Variants in TMEM132D observed in about 807,000 individuals in gnomAD.
TMEM132D encodes the protein mature OL transmembrane protein.
A neutral mutation model predicts 62.3 loss-of-function variants in TMEM132D; 21 were observed. The ratio of observed to expected loss-of-function variants is 0.34; its 90% CI spans 0.24 to 0.49. The LOEUF (loss-of-function observed/expected upper bound fraction) is 0.49. Among genes scored for constraint, TMEM132D ranks in the 20% least tolerant of loss-of-function variants. The pLI, the probability that TMEM132D is intolerant of heterozygous loss-of-function variation, is 0.99. For missense variants in TMEM132D, 1,346 were observed against 1,402.8 expected (o/e 0.96, Z 0.65); for synonymous variants, 621 against 575.6 (o/e 1.08, Z -1.13).
intron 1 of TMEM132D, among the ~76,000 whole-genome samples, chr12:129,748,467 G>A (rs533363810): frequency 2.0e-4 from 31 of 152,266 alleles, no homozygotes; most frequent in Non-Finnish European, 4.0e-4. Context: ...GAGCTTGTCT[G>A]GGCACATGTG....
At chr12:129,128,022 G>A (rs987304002) in intron 5 of TMEM132D, among the ~76,000 whole-genome samples, 5 of 152,220 alleles carry the variant, frequency 3.3e-5, no homozygotes, top group South Asian at 4.2e-4. Flanking sequence ...AGAGTTTCCC[G>A]GGATGTGAGG....
At chr12:129,807,199 A>T (rs11060566) in intron 1 of TMEM132D, among the ~76,000 whole-genome samples, 83,790 of 152,068 alleles carry the variant, frequency 0.55, 24,923 homozygotes, top group Non-Finnish European at 0.68. Context: ...GTAATTAGCA[A>T]GGACCCTGGA....
At chr12:129,378,970 G>C (rs1010994194) in intron 3 of TMEM132D, among the ~76,000 whole-genome samples, 1 of 151,318 alleles carries the variant, frequency 6.6e-6, no homozygotes, top group African/African-American at 2.5e-5. Flanking sequence ...CACTCAGGAA[G>C]GGGGGGACAC....
intron 2 of TMEM132D, among the ~76,000 whole-genome samples, chr12:129,684,249 T>C (rs1880853731): frequency 1.3e-5 from 2 of 152,182 alleles, no homozygotes; most frequent in South Asian, 4.1e-4. Context: ...TGGGAGATAA[T>C]TGAATCGTGG....
intron 3 of TMEM132D, among the ~76,000 whole-genome samples, chr12:129,448,602 C>T (rs1162240415): frequency 6.6e-6 from 1 of 152,158 alleles, no homozygotes; most frequent in East Asian, 1.9e-4. Context: ...ATATACATGC[C>T]ACATTTTCTT....
At chr12:129,349,743 A>T (rs1593346883) in intron 3 of TMEM132D, among the ~76,000 whole-genome samples, 2 of 152,186 alleles carry the variant, frequency 1.3e-5, no homozygotes, top group Non-Finnish European at 2.9e-5. Flanking sequence ...TCATTGACAC[A>T]TTTACCAGTT....
intron 1 of TMEM132D, among the ~76,000 whole-genome samples, chr12:129,843,413 A>G (rs147180248): frequency 0.012 from 1,887 of 152,314 alleles, 42 homozygotes; most frequent in African/African-American, 0.042. Flanking sequence ...CCACCCCATA[A>G]GTGATCATAA....
intron 3 of TMEM132D, among the ~76,000 whole-genome samples, chr12:129,499,264 G>A (rs979648664): frequency 5.9e-5 from 9 of 152,262 alleles, no homozygotes; most frequent in South Asian, 2.1e-4. Context: ...GAAGGTTCAC[G>A]TGGTCTTTGC....
At chr12:129,354,751 A>G (rs1040633646) in intron 3 of TMEM132D, among the ~76,000 whole-genome samples, 3 of 152,172 alleles carry the variant, frequency 2.0e-5, no homozygotes, top group Non-Finnish European at 2.9e-5. Context: ...TAAAAAATCT[A>G]TTCTCCATGA....
intron 1 of TMEM132D, among the ~76,000 whole-genome samples, chr12:129,894,756 TC>T (rs1566022149): frequency 8.6e-5 from 13 of 152,010 alleles, no homozygotes; most frequent in African/African-American, 3.1e-4. Context: ...CTTTTTTTTT[TC>T]CTCTGGCAGT....
chr12:129,664,140 A>G (rs2123075), intron 2 of TMEM132D, among the ~76,000 whole-genome samples: 36,719 of 152,136 alleles, frequency 0.24, 4,864 homozygotes, highest in African/African-American at 0.34. Context: ...AGGTAAGGAG[A>G]CTGTAATTAG....
chr12:129,223,626 G>A (rs1879406563), intron 4 of TMEM132D, among the ~76,000 whole-genome samples: 1 of 152,154 alleles, frequency 6.6e-6, no homozygotes, highest in Admixed American at 6.5e-5. Context: ...GGTTTCTTGT[G>A]CAGCAATAGA....
intron 5 of TMEM132D, among the ~76,000 whole-genome samples, chr12:129,145,720 T>C (rs1298676624): frequency 6.6e-6 from 1 of 152,162 alleles, no homozygotes; most frequent in African/African-American, 2.4e-5. Context: ...CCCAGCTTTT[T>C]CAGTCACTTT....
At chr12:129,602,211 T>C (rs772156245) in intron 2 of TMEM132D, among the ~76,000 whole-genome samples, 1 of 152,156 alleles carries the variant, frequency 6.6e-6, no homozygotes, top group Non-Finnish European at 1.5e-5. Flanking sequence ...CTAGACCGCC[T>C]GTATGCAAGT....
intron 3 of TMEM132D, among the ~76,000 whole-genome samples, chr12:129,480,287 C>A (rs903602636): frequency 3.9e-5 from 6 of 152,232 alleles, no homozygotes. Context: ...ACAGGGGAGC[C>A]ATACTGTGCA....
chr12:129,408,780 GTGTT>G (rs1174818203), intron 3 of TMEM132D, among the ~76,000 whole-genome samples: 2 of 152,148 alleles, frequency 1.3e-5, no homozygotes, highest in African/African-American at 4.8e-5. Context: ...GCACAAATGT[GTGTT>G]TGTGTGTCAT....
At chr12:129,090,011 C>G (rs139522440) in intron 5 of TMEM132D, among the ~76,000 whole-genome samples, 2 of 152,318 alleles carry the variant, frequency 1.3e-5, no homozygotes, top group African/African-American at 4.8e-5. Context: ...GCTGTTCAAA[C>G]ATTGTAAAGA....
intron 1 of TMEM132D, among the ~76,000 whole-genome samples, chr12:129,859,060 G>A (rs982897259): frequency 2.0e-5 from 3 of 152,052 alleles, no homozygotes; most frequent in Admixed American, 6.5e-5. Context: ...CCTTGTAACG[G>A]AGTCCGGGGG....
intron 2 of TMEM132D, among the ~76,000 whole-genome samples, chr12:129,591,732 G>C (rs564120327): frequency 9.2e-5 from 14 of 151,800 alleles, no homozygotes; most frequent in Non-Finnish European, 1.9e-4. Context: ...TCTAATGAGG[G>C]GGATTATTTG....
Sources: gnomAD v4.1 joint callset for allele counts (sites outside exome capture counted in the v4.1 genomes callset) on GRCh38, gnomAD v4.1.1 for gene constraint, MANE v1.5 for transcripts, NCBI Gene and HGNC (gene_info 2026-07-23, HGNC 2026-07-21) for gene names.